ZFHX3: variants seen among roughly 807,000 people sequenced by gnomAD.
ZFHX3 encodes the protein zinc finger homeobox 3.
ZFHX3 carries 42 observed loss-of-function variants against 279.1 expected under a neutral mutation model. The ratio of observed to expected loss-of-function variants is 0.15; its 90% CI spans 0.12 to 0.19. The LOEUF is 0.19. Among genes scored for constraint, ZFHX3 ranks in the 10% least tolerant of loss-of-function variants. The pLI, the probability that ZFHX3 is intolerant of heterozygous loss-of-function variation, is 1.00. For synonymous variants in ZFHX3, 2,293 were observed against 1,957.8 expected (o/e 1.17, Z -4.52); for missense variants, 4,981 against 4,754.0 (o/e 1.05, Z -1.40).
intron 5 of ZFHX3, among the ~76,000 whole-genome samples, chr16:73,197,333 G>A (rs540725058): frequency 2.7e-4 from 41 of 150,168 alleles, no homozygotes; most frequent in African/African-American, 1.0e-3. Flanking sequence ...CGGCATGAGA[G>A]CGTGACTAGG....
At chr16:73,712,779 G>A (rs371882151) in intron 1 of ZFHX3, among the ~76,000 whole-genome samples, 2 of 152,304 alleles carry the variant, frequency 1.3e-5, no homozygotes, top group East Asian at 1.9e-4. Flanking sequence ...TGTTTTCACC[G>A]TAAGAGGGGG....
chr16:73,268,470 T>G (rs1597253303), intron 4 of ZFHX3, among the ~76,000 whole-genome samples: 1 of 152,338 alleles, frequency 6.6e-6, no homozygotes, highest in East Asian at 1.9e-4. Flanking sequence ...AAACTTGTTC[T>G]CAGCCACTGG....
At chr16:73,553,082 G>A (rs932779498) in intron 2 of ZFHX3, among the ~76,000 whole-genome samples, 5 of 152,076 alleles carry the variant, frequency 3.3e-5, no homozygotes, top group Non-Finnish European at 7.4e-5. Context: ...CACTATGTAT[G>A]CCATTTGCTC....
At chr16:73,799,040 G>A (rs915951436) in intron 1 of ZFHX3, among the ~76,000 whole-genome samples, 18 of 152,118 alleles carry the variant, frequency 1.2e-4, no homozygotes, top group Admixed American at 3.3e-4. Flanking sequence ...AAGCTGCCCC[G>A]AACCTGATGT....
chr16:73,040,661 G>T (rs1189902462), intron 1 of ZFHX3, among the ~76,000 whole-genome samples: 1 of 152,224 alleles, frequency 6.6e-6, no homozygotes, highest in African/African-American at 2.4e-5. Context: ...CACCCCATGG[G>T]GAAGAAGAGA....
At chr16:73,413,307 CTT>C (rs1176020699) in intron 3 of ZFHX3, among the ~76,000 whole-genome samples, 1 of 152,176 alleles carries the variant, frequency 6.6e-6, no homozygotes, top group Non-Finnish European at 1.5e-5. Context: ...TCAAAGGAAA[CTT>C]GGGAAACAGA....
At chr16:73,832,043 G>A (rs1003068009) in intron 1 of ZFHX3, among the ~76,000 whole-genome samples, 1 of 152,162 alleles carries the variant, frequency 6.6e-6, no homozygotes, top group Non-Finnish European at 1.5e-5. Flanking sequence ...TGGGATTATA[G>A]GCACATGCCA....
intron 3 of ZFHX3, among the ~76,000 whole-genome samples, chr16:72,940,323 C>A (rs1960351443): frequency 6.6e-6 from 1 of 152,168 alleles, no homozygotes; most frequent in Non-Finnish European, 1.5e-5. Flanking sequence ...GGAACGAAGA[C>A]CCCTTCCCAG....
At chr16:73,419,485 G>A (rs1401081372) in intron 3 of ZFHX3, among the ~76,000 whole-genome samples, 1 of 152,096 alleles carries the variant, frequency 6.6e-6, no homozygotes. Context: ...TCTCAGCTCA[G>A]CCTTTGATGC....
chr16:73,542,878 G>A (rs184442132), intron 2 of ZFHX3, among the ~76,000 whole-genome samples: 1 of 152,174 alleles, frequency 6.6e-6, no homozygotes, highest in African/African-American at 2.4e-5. Context: ...GTGTTGGGAA[G>A]GGGTTAGAGC....
At chr16:73,270,670 C>T (rs2014118410) in intron 4 of ZFHX3, among the ~76,000 whole-genome samples, 1 of 152,166 alleles carries the variant, frequency 6.6e-6, no homozygotes, top group Non-Finnish European at 1.5e-5. Context: ...GGAAGGCATT[C>T]ATGGTATATG....
At chr16:73,161,720 G>A (rs549830113) in intron 5 of ZFHX3, among the ~76,000 whole-genome samples, 2 of 152,242 alleles carry the variant, frequency 1.3e-5, no homozygotes, top group African/African-American at 4.8e-5. Context: ...GAATCTGCAC[G>A]GTAAACAAGC....
chr16:73,072,439 C>T (rs1291493690), intron 8 of ZFHX3, among the ~76,000 whole-genome samples: 3 of 98,520 alleles, frequency 3.0e-5, no homozygotes, highest in African/African-American at 8.2e-5. Flanking sequence ...AGTGAAACTC[C>T]GTCTCAAAAA....
intron 1 of ZFHX3, among the ~76,000 whole-genome samples, chr16:73,818,386 C>T (rs1352657309): frequency 3.3e-5 from 5 of 152,176 alleles, no homozygotes; most frequent in Non-Finnish European, 5.9e-5. Flanking sequence ...TCAGCCCCCA[C>T]CCCAATACCA....
intron 8 of ZFHX3, among the ~76,000 whole-genome samples, chr16:73,066,593 C>T (rs905551265): frequency 1.3e-5 from 2 of 150,804 alleles, no homozygotes; most frequent in Non-Finnish European, 3.0e-5. Context: ...CTCGGATGGG[C>T]GGGGAAACAG....
intron 4 of ZFHX3, among the ~76,000 whole-genome samples, 195 bp from the exon 5 acceptor site, chr16:72,830,054 T>C (rs2037027355): frequency 6.6e-6 from 1 of 152,194 alleles, no homozygotes; most frequent in South Asian, 2.1e-4. Flanking sequence ...ACTTTCCTTC[T>C]GGGTAAACAG....
At chr16:73,823,828 C>A (rs1376743388) in intron 1 of ZFHX3, among the ~76,000 whole-genome samples, 1 of 152,176 alleles carries the variant, frequency 6.6e-6, no homozygotes, top group Non-Finnish European at 1.5e-5. Flanking sequence ...GCCTCTCACA[C>A]CTGCAAGAAA....
intron 1 of ZFHX3, among the ~76,000 whole-genome samples, chr16:73,739,322 A>G (rs2053634015): frequency 6.6e-6 from 1 of 152,122 alleles, no homozygotes; most frequent in Non-Finnish European, 1.5e-5. Context: ...AGGGTTTCTC[A>G]ATTGCTGCAT....
At position 73,014,518 on chromosome 16, in the gene ZFHX3, C is replaced by CTTTTTTTTT. The variant is rs1000108439; in HGVS notation, c.-50+33225_-50+33233dup. On this transcript the variant is annotated intron_variant, in intron 1 of 9. Coordinates refer to ENST00000268489, the MANE Select transcript of ZFHX3 (RefSeq NM_006885.4). ...AACAAGTTTGTGGTAATTTCTTCTT[C>CTTTTTTTTT]TTTTTTTTTTTTTTTTTTTTTTTTT... The CTTTTTTTTT allele has an allele frequency of 6.9e-4, 44 of 63,408 alleles. 3 individuals are homozygous for CTTTTTTTTT. Among genetic ancestry groups the CTTTTTTTTT allele is most frequent in the South Asian group, 1.4e-3 (2 of 1,468 alleles). The allele number at this position is 63,408 out of a possible 1,614,324, so 3.9% of individuals were successfully genotyped here. A position where few individuals can be genotyped will look rare whatever the true frequency, so the allele number is the denominator to read the frequency against.
Sources: allele counts gnomAD v4.1 joint callset (sites outside exome capture counted in the v4.1 genomes callset), GRCh38; gene constraint gnomAD v4.1.1; transcripts MANE v1.5; gene names NCBI Gene and HGNC (gene_info 2026-07-23, HGNC 2026-07-21).